LINGO2: variants seen among roughly 807,000 people sequenced by gnomAD.
LINGO2 encodes the protein leucine rich repeat and Ig domain containing 2, also known as leucine-rich repeat and immunoglobulin-like domain-containing nogo receptor-interacting protein 2.
LINGO2 carries 14 observed loss-of-function variants against 30.6 expected under a neutral mutation model. That is an observed-to-expected ratio of 0.46 (90% CI 0.30 to 0.72). The LOEUF is 0.72. LINGO2 is among the 30% of genes least tolerant of loss of function. The probability of loss-of-function intolerance (pLI) is 0.07; values close to 1 mark genes in which losing one functional copy is unlikely to be tolerated. For synonymous variants in LINGO2, 317 were observed against 288.5 expected, an observed-to-expected ratio of 1.10 and a Z score of -1.00; for missense variants, 729 against 751.7, an observed-to-expected ratio of 0.97 and a Z score of 0.35.
At chr9:29,069,088 T>C in the LINGO2 span, among the ~76,000 whole-genome samples, 4 of 151,852 alleles carry the variant, frequency 2.6e-5, no homozygotes, top group Non-Finnish European at 4.4e-5. Flanking sequence ...GCCAGAATGG[T>C]AAGGGACAAT....
chr9:28,525,949 G>A (rs1402883168), intron 1 of LINGO2, among the ~76,000 whole-genome samples: 1 of 150,090 alleles, frequency 6.7e-6, no homozygotes, highest in Admixed American at 6.7e-5. Flanking sequence ...CCAGCTACTC[G>A]GGAGACTGAG....
the LINGO2 span, among the ~76,000 whole-genome samples, chr9:29,146,714 T>C: frequency 6.6e-6 from 1 of 152,314 alleles, no homozygotes; most frequent in Admixed American, 6.5e-5. Flanking sequence ...TAATACATCC[T>C]TCAATTGTTT....
At chr9:29,151,010 G>C in the LINGO2 span, among the ~76,000 whole-genome samples, 1 of 151,918 alleles carries the variant, frequency 6.6e-6, no homozygotes, top group Non-Finnish European at 1.5e-5. Flanking sequence ...GGCATCTAGA[G>C]AGATAGGTCA....
intron 4 of LINGO2, among the ~76,000 whole-genome samples, chr9:28,083,300 T>C (rs1825823944): frequency 6.6e-6 from 1 of 152,140 alleles, no homozygotes; most frequent in Non-Finnish European, 1.5e-5. Context: ...CTCTAGACAA[T>C]CGTGCTTGGT....
intron 4 of LINGO2, among the ~76,000 whole-genome samples, chr9:28,278,117 C>T (rs543922291): frequency 1.3e-5 from 2 of 152,122 alleles, no homozygotes; most frequent in African/African-American, 4.8e-5. Flanking sequence ...AAAGCCTAAT[C>T]CAGAGCAAGA....
the LINGO2 span, among the ~76,000 whole-genome samples, chr9:28,692,876 A>T: frequency 6.6e-6 from 1 of 152,180 alleles, no homozygotes. Flanking sequence ...TATACTTTTA[A>T]AATCAAAATA....
chr9:28,712,798 T>A, the LINGO2 span, among the ~76,000 whole-genome samples: 1 of 152,100 alleles, frequency 6.6e-6, no homozygotes. Context: ...TGCTTAAATA[T>A]GATTAAGAAA....
intron 1 of LINGO2, among the ~76,000 whole-genome samples, chr9:28,571,764 AT>A (rs2135595163): frequency 6.6e-6 from 1 of 152,138 alleles, no homozygotes; most frequent in South Asian, 2.1e-4. Flanking sequence ...TTAACTGTCT[AT>A]TTTTTAATGG....
At chr9:29,098,342 C>G in the LINGO2 span, among the ~76,000 whole-genome samples, 1 of 151,972 alleles carries the variant, frequency 6.6e-6, no homozygotes, top group East Asian at 1.9e-4. Context: ...AAGTGCTAAA[C>G]AGTAGAATTA....
intron 1 of LINGO2, among the ~76,000 whole-genome samples, chr9:28,479,293 T>A (rs965614158): frequency 9.9e-5 from 15 of 151,294 alleles, no homozygotes; most frequent in Non-Finnish European, 1.9e-4. Flanking sequence ...GGAAATTTAA[T>A]TTTTTTTTAA....
At chr9:28,084,275 T>G (rs919012508) in intron 4 of LINGO2, among the ~76,000 whole-genome samples, 1 of 152,156 alleles carries the variant, frequency 6.6e-6, no homozygotes, top group African/African-American at 2.4e-5. Flanking sequence ...TATTTGGCTT[T>G]TAAAAACAAT....
chr9:28,496,489 C>CT (rs1368575326), intron 1 of LINGO2, among the ~76,000 whole-genome samples: 1 of 150,192 alleles, frequency 6.7e-6, no homozygotes, highest in Non-Finnish European at 1.5e-5. Context: ...CAACCCCTGC[C>CT]TTTTTGTTTT....
chr9:28,857,013 CT>C, the LINGO2 span, among the ~76,000 whole-genome samples: 5 of 152,084 alleles, frequency 3.3e-5, no homozygotes, highest in African/African-American at 1.2e-4. Flanking sequence ...TGCATAATCA[CT>C]TTTTTTCTGT....
chr9:28,303,282 AT>A (rs1824216613), intron 3 of LINGO2, among the ~76,000 whole-genome samples: 1 of 152,082 alleles, frequency 6.6e-6, no homozygotes, highest in African/African-American at 2.4e-5. Flanking sequence ...TAATTCTCTG[AT>A]TTTTATTAGG....
At chr9:28,378,114 T>C (rs1486568243) in intron 2 of LINGO2, among the ~76,000 whole-genome samples, 1 of 152,196 alleles carries the variant, frequency 6.6e-6, no homozygotes, top group Non-Finnish European at 1.5e-5. Context: ...ACCACTACAC[T>C]GCATCAAAGG....
chr9:28,684,636 A>T, the LINGO2 span, among the ~76,000 whole-genome samples: 3 of 151,634 alleles, frequency 2.0e-5, no homozygotes. Context: ...CTCCTGCCTC[A>T]GCCTCCCAAG....
intron 4 of LINGO2, among the ~76,000 whole-genome samples, chr9:28,039,746 G>T (rs1824112644): frequency 6.6e-6 from 1 of 152,090 alleles, no homozygotes; most frequent in South Asian, 2.1e-4. Context: ...AGGCACAAAA[G>T]ATTAGTCTTT....
At chr9:29,134,979 ATCTG>A in the LINGO2 span, among the ~76,000 whole-genome samples, 3 of 152,084 alleles carry the variant, frequency 2.0e-5, no homozygotes, top group East Asian at 1.9e-4. Context: ...TTTTATTCTA[ATCTG>A]TCTGTGTTTG....
rs1825925520 is a variant in LINGO2, at chr9:28,611,801, G to GTAT, written c.-365+58396_-365+58398dup. On this transcript the variant is annotated intron_variant, in intron 1 of 5. Coordinates refer to ENST00000379992, the Ensembl canonical transcript of LINGO2. ...ATGCCACATTTTCTTTTTTATTTAT[G>GTAT]TATTTATTTTATTTTATTTATTTAT... is the stretch of plus-strand genomic sequence containing the variant. Among the ~76,000 whole-genome samples, 3 of 149,538 alleles carry GTAT rather than the reference G, an allele frequency of 2.0e-5. No individual in the cohort carries two copies. In the South Asian group the frequency reaches 6.2e-4, roughly 31 times the overall value.
Sources: gnomAD v4.1 joint callset for allele counts (sites outside exome capture counted in the v4.1 genomes callset) on GRCh38, gnomAD v4.1.1 for gene constraint, MANE v1.5 for transcripts, NCBI Gene and HGNC (gene_info 2026-07-23, HGNC 2026-07-21) for gene names.